Variants in COL4A3 observed in about 807,000 individuals in gnomAD.
COL4A3 encodes the protein collagen type IV alpha 3 chain, also known as collagen alpha-3(IV) chain.
A neutral mutation model predicts 217.4 loss-of-function variants in COL4A3; 135 were observed. The ratio of observed to expected loss-of-function variants is 0.62; its 90% CI spans 0.54 to 0.72. COL4A3 has a LOEUF of 0.72. Among genes scored for constraint, COL4A3 ranks in the 30% least tolerant of loss-of-function variants. The pLI, the probability that COL4A3 is intolerant of heterozygous loss-of-function variation, is 0.00. For synonymous variants in COL4A3, 690 were observed against 736.3 expected, an observed-to-expected ratio of 0.94 and a Z score of 1.02; for missense variants, 1,868 against 2,119.9, an observed-to-expected ratio of 0.88 and a Z score of 2.33.
At chr2:227,237,911 G>A (rs1190492660) in intron 1 of COL4A3, 57 bp from the exon 2 acceptor site, 15 of 1,294,448 alleles carry the variant, frequency 1.2e-5, no homozygotes, top group Admixed American at 8.4e-5. Context: ...TTACCCTGCC[G>A]GTTGGGATTT....
At chr2:227,283,964 G>A in intron 33 of COL4A3, 108 bp downstream of exon 33, 5 of 1,090,968 alleles carry the variant, frequency 4.6e-6, no homozygotes, top group Non-Finnish European at 6.9e-6. Context: ...TTCTGAGAGA[G>A]CAACAGTATT....
chr2:227,177,050 T>A (rs921038942), intron 1 of COL4A3, among the ~76,000 whole-genome samples: 3 of 152,280 alleles, frequency 2.0e-5, no homozygotes, highest in Admixed American at 2.0e-4. Flanking sequence ...ACTGGTAACA[T>A]GTTAGTCTAT....
Position 227,237,976 on chromosome 2 carries a change from CT to C in COL4A3, c.97del (p.Cys33ValfsTer60). The C allele has an allele frequency of 1.9e-6, 3 of 1,609,794 alleles. No individual in the cohort carries two copies. The highest frequency in any genetic ancestry group is 2.6e-6 in the Non-Finnish European group (3 of 1,176,338). ...TCTTTCCCTCTTCCTAGGGTTGTGT[CT>C]GTAAAGACAAAGGCCAGTGCTTCTG... is the stretch of plus-strand genomic sequence containing the variant. ...AAPAASKGCVCKDKGQCFCDG... is the reference protein window; with the variant it reads ...AAPAASKGCVXKDKGQCFCDG... On this transcript the variant is annotated frameshift_variant, in exon 2 of 52. Transcript: ENST00000396578. LOFTEE classifies it high-confidence loss of function.
At chr2:227,283,735 A>C in intron 32 of COL4A3, 32 bp from the exon 33 acceptor site, 1 of 1,574,720 alleles carries the variant, frequency 6.4e-7, no homozygotes, top group South Asian at 1.1e-5. Flanking sequence ...TCTGTACAAC[A>C]CGTGCTGCTT....
chr2:227,311,760 A>AT (rs754129578), intron 51 of COL4A3, 26 bp from the exon 52 acceptor site: 165 of 1,607,084 alleles, frequency 1.0e-4, no homozygotes, highest in Non-Finnish European at 1.3e-4. Context: ...AAATAAATGA[A>AT]TTTTTTTGGT....
At chr2:227,289,904 C>G (rs1343707599) in intron 35 of COL4A3, 95 bp from the exon 36 acceptor site, 2 of 1,209,440 alleles carry the variant, frequency 1.7e-6, no homozygotes, top group East Asian at 2.5e-5. Flanking sequence ...TCTGGCTGTT[C>G]TGCATTCATT....
chr2:227,209,147 A>G (rs2067217240), intron 1 of COL4A3, among the ~76,000 whole-genome samples: 1 of 152,234 alleles, frequency 6.6e-6, no homozygotes, highest in Non-Finnish European at 1.5e-5. Flanking sequence ...ATACATCACC[A>G]GCACAATGTT....
At chr2:227,260,632 T>C (rs1251120200) in intron 19 of COL4A3, among the ~76,000 whole-genome samples, 1 of 152,240 alleles carries the variant, frequency 6.6e-6, no homozygotes, top group Non-Finnish European at 1.5e-5. Flanking sequence ...GACATTGATA[T>C]AGATTTTCTT....
At chr2:227,292,619 A>G (rs2072810869) in intron 37 of COL4A3, among the ~76,000 whole-genome samples, 1 of 152,236 alleles carries the variant, frequency 6.6e-6, no homozygotes, top group African/African-American at 2.4e-5. Flanking sequence ...ACTGAAGTGA[A>G]GATTTAATGA....
At chr2:227,291,016 G>T (rs2072667137) in intron 37 of COL4A3, 130 bp downstream of exon 37, 1 of 1,137,950 alleles carries the variant, frequency 8.8e-7, no homozygotes, top group African/African-American at 1.5e-5. Context: ...CAGTTATTTG[G>T]ATTTTTAAAA....
chr2:227,229,726 C>A (rs1452338160), intron 1 of COL4A3, among the ~76,000 whole-genome samples: 1 of 152,112 alleles, frequency 6.6e-6, no homozygotes, highest in African/African-American at 2.4e-5. Context: ...TAGTATCTCC[C>A]TTGACAGATG....
Position 227,313,429 on chromosome 2 carries a change from A to C in COL4A3, c.*1559A>C, listed in dbSNP as rs532299627. On this transcript the variant is annotated 3_prime_UTR_variant, in exon 52 of 52. Transcript: ENST00000396578. Reference sequence around the variant, plus strand: ...TAATAGCAGAAAAACCAACATCTACAAAACATTAAACTAGTGTTATACTTG... The same window carrying C: ...TAATAGCAGAAAAACCAACATCTACCAAACATTAAACTAGTGTTATACTTG... 2.0e-5 allele frequency: 3 copies of C among 152,760 alleles called. No homozygotes were observed. The highest frequency in any genetic ancestry group is 2.0e-4 in the Admixed American group (3 of 15,300). 9.5% of individuals were successfully genotyped at this position (152,760 alleles called of 1,614,324 possible).
chr2:227,245,408 A>G (rs1052336355), intron 5 of COL4A3, among the ~76,000 whole-genome samples: 4 of 152,192 alleles, frequency 2.6e-5, no homozygotes, highest in Non-Finnish European at 5.9e-5. Flanking sequence ...GTAATCTAGA[A>G]ATGACTTTAA....
intron 1 of COL4A3, among the ~76,000 whole-genome samples, chr2:227,183,082 CTAAA>C (rs2065907701): frequency 6.6e-6 from 1 of 152,174 alleles, no homozygotes; most frequent in Non-Finnish European, 1.5e-5. Flanking sequence ...CTGAATTGAT[CTAAA>C]TAGAGTGGGC....
At chr2:227,232,855 G>A (rs1306498434) in intron 1 of COL4A3, among the ~76,000 whole-genome samples, 1 of 152,086 alleles carries the variant, frequency 6.6e-6, no homozygotes, top group Non-Finnish European at 1.5e-5. Context: ...TAAAAATAAG[G>A]TTGAAAGATT....
intron 51 of COL4A3, 140 bp from the exon 52 acceptor site, chr2:227,311,646 G>C (rs2073745181): frequency 1.2e-5 from 9 of 722,880 alleles, no homozygotes; most frequent in Admixed American, 5.3e-5. Flanking sequence ...CCAAATTGCT[G>C]GGATTACAGG....
rs762282540 is a variant in COL4A3, at chr2:227,244,969, G to A, written c.298G>A (p.Gly100Arg). 5 of 1,612,986 alleles carry A rather than the reference G, an allele frequency of 3.1e-6. No individual in the cohort carries two copies. Among genetic ancestry groups the A allele is most frequent in the Non-Finnish European group, 4.2e-6 (5 of 1,179,484 alleles). Reference protein sequence around the residue: ...KGVRGISGLPGFSGSPGLPGT... With the variant: ...KGVRGISGLPRFSGSPGLPGT... ...TCTTCAGGGAATAAGTGGATTGCCA[G>A]GATTTTCTGGTTCTCCTGGACTTCC... Residue 100 changes from glycine to arginine, a missense_variant, in exon 5 of 52, where the codon GGA becomes AGA. Gly to Arg is a moderately radical substitution (Grantham distance 125). Around this residue, in one of 2 missense-constraint regions of COL4A3, gnomAD observed 365 missense variants for 333.8 expected, o/e 1.09. Coordinates refer to ENST00000396578, the MANE Select transcript of COL4A3 (RefSeq NM_000091.5).
Position 227,303,092 on chromosome 2 carries a change from G to C in COL4A3, c.3937G>C (p.Gly1313Arg). The C allele has an allele frequency of 6.2e-7, 1 of 1,613,892 alleles. No homozygotes were observed. Among genetic ancestry groups the C allele is most frequent in the Non-Finnish European group, 8.5e-7 (1 of 1,179,844 alleles). The change falls in exon 44 of 52, where the codon GGG becomes CGG. Residue 1313 changes from glycine to arginine, a missense_variant. By Grantham distance (125) the Gly-to-Arg change is moderately radical. Around this residue, in one of 2 missense-constraint regions of COL4A3, gnomAD observed 1,503 missense variants for 1,786.1 expected, o/e 0.84. Transcript: ENST00000396578. ...PGPRGDPGFQ[G>R]FPGVKGEKGN... ...ACCCAGAGGTGATCCTGGATTCCAG[G>C]GGTTTCCAGGCGTGAAAGGTACTGT...
chr2:227,294,700 C>CA (rs1026241138), intron 39 of COL4A3, 130 bp downstream of exon 39: 180 of 756,216 alleles, frequency 2.4e-4, no homozygotes, highest in Middle Eastern at 2.0e-3. Context: ...GACAAAAATG[C>CA]AAAAAAAATG....
Sources: allele counts gnomAD v4.1 joint callset (sites outside exome capture counted in the v4.1 genomes callset), GRCh38; gene constraint gnomAD v4.1.1; regional missense constraint gnomAD v4.1.1; transcripts MANE v1.5; gene names NCBI Gene and HGNC (gene_info 2026-07-23, HGNC 2026-07-21).